TBC1D14: variants seen among roughly 807,000 people sequenced by gnomAD.
TBC1D14 encodes the protein TBC1 domain family member 14, also known as TBC1 domain family, member 14.
TBC1D14 carries 26 observed loss-of-function variants against 79.0 expected under a neutral mutation model. The observed-to-expected ratio is 0.33, with a 90% CI of 0.24 to 0.46. TBC1D14 has a LOEUF of 0.46. Ranked by LOEUF, TBC1D14 falls within the 20% of genes least tolerant of loss-of-function variation. The pLI is 1.00. For synonymous variants in TBC1D14, 394 were observed against 349.9 expected, an observed-to-expected ratio of 1.13 and a Z score of -1.40; for missense variants, 769 against 887.6, an observed-to-expected ratio of 0.87 and a Z score of 1.70.
chr4:6,932,097 C>T (rs907113042), intron 2 of TBC1D14, among the ~76,000 whole-genome samples: 5 of 152,090 alleles, frequency 3.3e-5, no homozygotes, highest in South Asian at 2.1e-4. Context: ...GGGTGGCTCA[C>T]GCCTGTAATC....
intron 3 of TBC1D14, among the ~76,000 whole-genome samples, chr4:6,970,999 CA>C (rs1436568365): frequency 6.8e-6 from 1 of 147,506 alleles, no homozygotes; most frequent in Non-Finnish European, 1.5e-5. Flanking sequence ...TCACACTGGC[CA>C]GGAGCTTTGG....
intron 2 of TBC1D14, among the ~76,000 whole-genome samples, chr4:6,953,629 C>A (rs868199828): frequency 1.0e-3 from 55 of 55,036 alleles, no homozygotes; most frequent in African/African-American, 3.1e-3. Flanking sequence ...GACTCCGTCT[C>A]AAAAAAAAAA....
intron 13 of TBC1D14, 143 bp from the exon 14 acceptor site, chr4:7,030,184 G>C (rs1405662896): frequency 1.4e-6 from 1 of 708,468 alleles, no homozygotes; most frequent in Non-Finnish European, 2.5e-6. Flanking sequence ...GGACGTAGGA[G>C]TGGAAGACCC....
chr4:7,022,590 C>T (rs1339537661), intron 12 of TBC1D14, among the ~76,000 whole-genome samples: 1 of 152,188 alleles, frequency 6.6e-6, no homozygotes, highest in African/African-American at 2.4e-5. Flanking sequence ...AGCCCAGAGG[C>T]CGCAGTGAGT....
intron 1 of TBC1D14, among the ~76,000 whole-genome samples, chr4:6,919,920 A>G (rs189070085): frequency 6.6e-6 from 1 of 151,866 alleles, no homozygotes; most frequent in Admixed American, 6.5e-5. Context: ...TGCCCGGCCT[A>G]TTTATTTATT....
intron 3 of TBC1D14, chr4:6,987,150 G>T (rs1717924422): frequency 8.7e-7 from 1 of 1,145,042 alleles, no homozygotes; most frequent in African/African-American, 1.6e-5. Flanking sequence ...CAGGCCTGAC[G>T]CGCCGAGCCG....
At chr4:6,965,201 A>G (rs1263760751) in intron 2 of TBC1D14, among the ~76,000 whole-genome samples, 1 of 151,058 alleles carries the variant, frequency 6.6e-6, no homozygotes, top group Admixed American at 6.6e-5. Context: ...TGTCGCCCCC[A>G]GGCTGGAGTG....
At chr4:6,982,970 C>T (rs930186267) in intron 3 of TBC1D14, among the ~76,000 whole-genome samples, 1 of 152,150 alleles carries the variant, frequency 6.6e-6, no homozygotes, top group African/African-American at 2.4e-5. Context: ...ACCTACTTTC[C>T]ACTGTATACA....
chr4:6,968,970 T>A (rs1441156472), intron 3 of TBC1D14, among the ~76,000 whole-genome samples: 1 of 151,870 alleles, frequency 6.6e-6, no homozygotes, highest in Non-Finnish European at 1.5e-5. Context: ...TAGGGAGTGG[T>A]TTGTTGGGGG....
At chr4:6,934,022 T>C (rs10937768) in intron 2 of TBC1D14, among the ~76,000 whole-genome samples, 99,111 of 151,800 alleles carry the variant, frequency 0.65, 32,874 homozygotes, top group South Asian at 0.79. Flanking sequence ...CAAGTTGGAG[T>C]GAAGATGAGG....
intron 2 of TBC1D14, among the ~76,000 whole-genome samples, chr4:6,926,208 C>T (rs1177902128): frequency 1.3e-5 from 2 of 152,208 alleles, no homozygotes; most frequent in Admixed American, 6.5e-5. Flanking sequence ...ATAATGAGCC[C>T]TTCCTTCCGT....
At chr4:6,910,474 C>T (rs1442261839) in intron 1 of TBC1D14, 2 of 152,502 alleles carry the variant, frequency 1.3e-5, no homozygotes, top group African/African-American at 2.4e-5. Context: ...CCTTGGACCT[C>T]CACCCACGCG....
At chr4:6,984,732 T>C (rs952147593) in intron 3 of TBC1D14, among the ~76,000 whole-genome samples, 7 of 152,162 alleles carry the variant, frequency 4.6e-5, no homozygotes, top group African/African-American at 1.7e-4. Context: ...TGCATAGACA[T>C]GATGTAATTG....
At chr4:6,928,377 C>T (rs1211673772) in intron 2 of TBC1D14, among the ~76,000 whole-genome samples, 3 of 152,196 alleles carry the variant, frequency 2.0e-5, no homozygotes, top group Non-Finnish European at 4.4e-5. Flanking sequence ...AATTCACAGG[C>T]AGAGAAGAAT....
At chr4:6,966,873 G>T (rs1309126733) in intron 2 of TBC1D14, among the ~76,000 whole-genome samples, 2 of 152,186 alleles carry the variant, frequency 1.3e-5, no homozygotes, top group African/African-American at 4.8e-5. Flanking sequence ...GCAGTGGCAC[G>T]ATCTCAGCTC....
chr4:6,997,650 A>G (rs533022320), intron 5 of TBC1D14, among the ~76,000 whole-genome samples: 2 of 152,296 alleles, frequency 1.3e-5, no homozygotes, highest in South Asian at 2.1e-4. Context: ...AAAATATATA[A>G]CAATGTGGTG....
intron 3 of TBC1D14, 74 bp from the exon 4 acceptor site, chr4:6,994,110 C>A: frequency 7.6e-7 from 1 of 1,309,556 alleles, no homozygotes; most frequent in Non-Finnish European, 1.1e-6. Context: ...CATGACAAAA[C>A]AACTTTCTTA....
At chr4:6,999,718 C>T (rs1719467195) in intron 6 of TBC1D14, among the ~76,000 whole-genome samples, 2 of 152,020 alleles carry the variant, frequency 1.3e-5, no homozygotes, top group South Asian at 2.1e-4. Context: ...CTCCTGTGTG[C>T]TCTCCAAAGC....
At chr4:6,931,870 A>G (rs1307239305) in intron 2 of TBC1D14, among the ~76,000 whole-genome samples, 2 of 152,100 alleles carry the variant, frequency 1.3e-5, no homozygotes, top group Non-Finnish European at 2.9e-5. Flanking sequence ...CTGTCCTCGC[A>G]GAGCTTAAGT....
Sources: gnomAD v4.1 joint callset for allele counts (sites outside exome capture counted in the v4.1 genomes callset) on GRCh38, gnomAD v4.1.1 for gene constraint, MANE v1.5 for transcripts, NCBI Gene and HGNC (gene_info 2026-07-23, HGNC 2026-07-21) for gene names.